Variants in TBC1D23 observed in about 807,000 individuals in gnomAD.
TBC1D23 encodes TBC1 domain family member 23, also known as HCV non-structural protein 4A-transactivated protein 1.
A neutral mutation model predicts 91.4 loss-of-function variants in TBC1D23; 55 were observed. That is an observed-to-expected ratio of 0.60 (90% CI 0.48 to 0.75). The LOEUF (loss-of-function observed/expected upper bound fraction) is 0.75, where lower values mean the gene tolerates loss of function less well. Among genes scored for constraint, TBC1D23 ranks in the 30% least tolerant of loss-of-function variants. The probability of loss-of-function intolerance (pLI) is 0.00; values close to 1 mark genes in which losing one functional copy is unlikely to be tolerated. For synonymous variants in TBC1D23, 289 were observed against 281.0 expected (o/e 1.03, Z -0.28); for missense variants, 725 against 836.1 (o/e 0.87, Z 1.64).
Position 100,316,144 on chromosome 3 carries a change from A to G in TBC1D23, c.1644A>G (p.Val548=). 6.2e-7 allele frequency: 1 copy of G among 1,614,148 alleles called. No homozygotes were observed. Among genetic ancestry groups the G allele is most frequent in the Non-Finnish European group, 8.5e-7 (1 of 1,179,992 alleles). Residue 548 remains valine, a synonymous_variant, in exon 16 of 19, where the codon GTA becomes GTG. Coordinates refer to ENST00000394144, the MANE Select transcript of TBC1D23 (RefSeq NM_001199198.3). Reference sequence around the variant, plus strand: ...GAGTGGGCAAGCCTTACCGTGGCGTAAAGCCTGTTTTCAGCATTGGGGATG... The same window carrying G: ...GAGTGGGCAAGCCTTACCGTGGCGTGAAGCCTGTTTTCAGCATTGGGGATG... ...SDRVGKPYRG[V]KPVFSIGDEE...
At chr3:100,290,940 A>G (rs1034687013) in intron 5 of TBC1D23, among the ~76,000 whole-genome samples, 13 of 152,210 alleles carry the variant, frequency 8.5e-5, no homozygotes, top group Non-Finnish European at 2.9e-5. Flanking sequence ...GTGTAAATGT[A>G]ACTATTTACA....
intron 8 of TBC1D23, 108 bp from the exon 9 acceptor site, chr3:100,297,815 A>T (rs1705331517): frequency 1.1e-6 from 1 of 909,390 alleles, no homozygotes; most frequent in African/African-American, 1.7e-5. Flanking sequence ...AAAAATCACA[A>T]CTCAAGAGTA....
intron 15 of TBC1D23, 88 bp downstream of exon 15, chr3:100,311,965 T>G: frequency 2.4e-6 from 2 of 847,340 alleles, no homozygotes; most frequent in Non-Finnish European, 3.7e-6. Flanking sequence ...CTGTCTTGGC[T>G]CAAATTTCAT....
Position 100,310,461 on chromosome 3 carries a change from C to T in TBC1D23, c.1472C>T (p.Thr491Ile). Residue 491 changes from threonine (T) to isoleucine (I), a missense_variant, in exon 14 of 19, where the codon ACT becomes ATT. Transcript: ENST00000394144. ...RGMKSLVNKM[T>I]VALKTKSVNV... Reference sequence around the variant, plus strand: ...ATGAAATCACTAGTAAATAAAATGACTGTGGCTTTGAAGACAAAATCCGTT... The same window carrying T: ...ATGAAATCACTAGTAAATAAAATGATTGTGGCTTTGAAGACAAAATCCGTT... 1 of 1,613,278 alleles carries T rather than the reference C, an allele frequency of 6.2e-7. No individual in the cohort carries two copies. The highest frequency in any genetic ancestry group is 8.5e-7 in the Non-Finnish European group (1 of 1,179,494).
chr3:100,303,889 T>C (rs1705474258), intron 11 of TBC1D23, among the ~76,000 whole-genome samples: 1 of 152,178 alleles, frequency 6.6e-6, no homozygotes. Flanking sequence ...GTTCTTTATG[T>C]GGTTTTATAC....
intron 5 of TBC1D23, among the ~76,000 whole-genome samples, chr3:100,292,314 A>T (rs538491701): frequency 3.3e-3 from 510 of 152,270 alleles, no homozygotes; most frequent in Middle Eastern, 0.014. Context: ...GTCCTAGGAG[A>T]CTATATGTTC....
intron 17 of TBC1D23, among the ~76,000 whole-genome samples, chr3:100,320,528 CTTT>C (rs1705834422): frequency 6.6e-6 from 1 of 151,884 alleles, no homozygotes; most frequent in Non-Finnish European, 1.5e-5. Context: ...TTGTATGGAA[CTTT>C]TTATTATATT....
rs1054356877 is a variant in TBC1D23, at chr3:100,298,151, G to T, written c.999+106G>T. ...CCACAAAATCAATTTACTGCAACAAGGTGGCTCTTTTGGCTTTTTGAATGA... is the reference window on the plus strand; with the variant it reads ...CCACAAAATCAATTTACTGCAACAATGTGGCTCTTTTGGCTTTTTGAATGA... On this transcript the variant is annotated intron_variant, in intron 9 of 18. Transcript: ENST00000394144. 5.1e-6 allele frequency: 5 copies of T among 985,968 alleles called. No individual in the cohort carries two copies. In the South Asian group the frequency reaches 5.7e-5, roughly 11 times the overall value. 61.1% of individuals were successfully genotyped at this position (985,968 alleles called of 1,614,324 possible). A position where few individuals can be genotyped will look rare whatever the true frequency, so the allele number is the denominator to read the frequency against.
chr3:100,281,619 A>G (rs2067695367), intron 2 of TBC1D23, 123 bp from the exon 3 acceptor site: 1 of 601,774 alleles, frequency 1.7e-6, no homozygotes, highest in African/African-American at 1.9e-5. Flanking sequence ...TTGGTGGAGT[A>G]TGGATACCTT....
At chr3:100,303,771 A>G (rs1705472734) in intron 11 of TBC1D23, among the ~76,000 whole-genome samples, 1 of 152,188 alleles carries the variant, frequency 6.6e-6, no homozygotes, top group Non-Finnish European at 1.5e-5. Context: ...CCCTATTCTC[A>G]AAAACAAAAT....
chr3:100,296,227 C>T lies in TBC1D23; in HGVS notation c.828C>T (p.Phe276=). The change falls in exon 8 of 19, where the codon TTC becomes TTT. Residue 276 remains phenylalanine (F), a synonymous_variant. Transcript: ENST00000394144. ...ATATAGAAGATATAGAAGACCTTTT[C>T]TCTCTGGCTCAGTATTATTGCAGCA... ...SLNIEDIEDL[F]SLAQYYCSKT... The T allele has an allele frequency of 1.2e-6, 2 of 1,609,164 alleles. No individual in the cohort carries two copies. Among genetic ancestry groups the T allele is most frequent in the Non-Finnish European group, 8.5e-7 (1 of 1,177,890 alleles).
intron 1 of TBC1D23, among the ~76,000 whole-genome samples, chr3:100,268,443 A>G (rs1028400038): frequency 3.9e-5 from 6 of 152,154 alleles, no homozygotes; most frequent in Non-Finnish European, 7.4e-5. Context: ...TATGATCCCC[A>G]TTGGCATAGT....
At chr3:100,313,725 CTT>C (rs1182927142) in intron 15 of TBC1D23, among the ~76,000 whole-genome samples, 4 of 152,050 alleles carry the variant, frequency 2.6e-5, no homozygotes, top group Non-Finnish European at 5.9e-5. Context: ...TAGGAGAAAA[CTT>C]ATAATCTAAT....
At chr3:100,319,613 A>C (rs1251668597) in intron 17 of TBC1D23, among the ~76,000 whole-genome samples, 1 of 152,002 alleles carries the variant, frequency 6.6e-6, no homozygotes, top group Non-Finnish European at 1.5e-5. Context: ...TTTTTAGTAG[A>C]GACGGGGTTT....
chr3:100,302,986 ACATATG>A (rs1705459733), intron 11 of TBC1D23, among the ~76,000 whole-genome samples: 1 of 152,252 alleles, frequency 6.6e-6, no homozygotes, highest in African/African-American at 2.4e-5. Flanking sequence ...CTGAATAAAT[ACATATG>A]CATATTCATT....
At chr3:100,270,113 C>T (rs1462318489) in intron 1 of TBC1D23, among the ~76,000 whole-genome samples, 1 of 152,204 alleles carries the variant, frequency 6.6e-6, no homozygotes, top group Non-Finnish European at 1.5e-5. Context: ...TGGACTAGAA[C>T]CTTGGAATAG....
chr3:100,281,616 A>T, intron 2 of TBC1D23, 126 bp from the exon 3 acceptor site: 1 of 576,598 alleles, frequency 1.7e-6, no homozygotes, highest in South Asian at 2.4e-5. Context: ...CATTTGGTGG[A>T]GTATGGATAC....
At chr3:100,321,552 C>T (rs1414636524) in intron 18 of TBC1D23, among the ~76,000 whole-genome samples, 2 of 152,154 alleles carry the variant, frequency 1.3e-5, no homozygotes, top group African/African-American at 4.8e-5. Context: ...TGTGACAGAA[C>T]CAAATATAGC....
intron 1 of TBC1D23, among the ~76,000 whole-genome samples, chr3:100,264,301 C>G (rs535650042): frequency 2.0e-5 from 3 of 152,026 alleles, no homozygotes; most frequent in South Asian, 4.2e-4. Flanking sequence ...TCCCCTCCCC[C>G]TCCCTCCCTC....
Sources: allele counts gnomAD v4.1 joint callset (sites outside exome capture counted in the v4.1 genomes callset), GRCh38; gene constraint gnomAD v4.1.1; transcripts MANE v1.5; gene names NCBI Gene and HGNC (gene_info 2026-07-23, HGNC 2026-07-21).